The following PROX1 variants were observed in gnomAD, a reference collection of about 807,000 sequenced individuals.
PROX1 encodes prospero homeobox 1.
PROX1 carries 7 observed loss-of-function variants against 58.8 expected under a neutral mutation model. The observed-to-expected ratio is 0.12, with a 90% confidence interval of 0.07 to 0.22. The LOEUF (loss-of-function observed/expected upper bound fraction) is 0.22. Among genes scored for constraint, PROX1 ranks in the 10% least tolerant of loss-of-function variants. The pLI is 1.00. For missense variants in PROX1, 675 were observed against 927.8 expected, an observed-to-expected ratio of 0.73 and a Z score of 3.54; for synonymous variants, 350 against 358.3, an observed-to-expected ratio of 0.98 and a Z score of 0.26.
chr1:214,012,225 C>T (rs1242321135), intron 4 of PROX1, among the ~76,000 whole-genome samples: 1 of 152,154 alleles, frequency 6.6e-6, no homozygotes, highest in Middle Eastern at 3.2e-3. Flanking sequence ...TGATAATTTA[C>T]TAAGTACATA....
In PROX1 at chr1:214,031,066, T is replaced by TGTGCGC. The variant is rs1231686198; in HGVS notation, c.2029-4582_2029-4581insTGCGCG. On this transcript the variant is annotated intron_variant, in intron 4 of 4. Transcript: ENST00000366958. The stretch of plus-strand genomic sequence containing the variant: ...GTGTGTGTGTGTGTGTGTGTGTGTG[T>TGTGCGC]GCGCGCGCGCGCATTCGCGCACGCA... Among the ~76,000 whole-genome samples the TGTGCGC allele has an allele frequency of 4.5e-4, 43 of 95,136 alleles. 1 individual carries two copies. Among genetic ancestry groups the TGTGCGC allele is most frequent in the African/African-American group, 1.1e-3 (35 of 31,286 alleles). The allele number at this position is 95,136 out of a possible 152,430, so 62.4% of individuals were successfully genotyped here.
intron 2 of PROX1, among the ~76,000 whole-genome samples, chr1:214,002,124 T>C (rs1395613600): frequency 1.3e-5 from 2 of 152,154 alleles, no homozygotes; most frequent in Non-Finnish European, 2.9e-5. Context: ...GTACAATCTC[T>C]AGCTACAATC....
At chr1:214,001,636 G>A (rs1663515379) in intron 2 of PROX1, among the ~76,000 whole-genome samples, 1 of 152,150 alleles carries the variant, frequency 6.6e-6, no homozygotes, top group Non-Finnish European at 1.5e-5. Flanking sequence ...GTTTAGAAAG[G>A]AAAATGGTTT....
Position 214,039,452 on chromosome 1 carries a change from A to G in PROX1, c.*3618A>G, listed in dbSNP as rs950552457. ...TGAATATCATTTAAAAAAATTTAAA[A>G]CAACAAAAAAAAAGCAAAACAGAAA... On this transcript the variant is annotated 3_prime_UTR_variant, in exon 5 of 5. Coordinates refer to ENST00000366958, the MANE Select transcript of PROX1 (RefSeq NM_001270616.2). The G allele has an allele frequency of 6.6e-5, 10 of 152,150 alleles. No individual in the cohort carries two copies. The highest frequency in any genetic ancestry group is 5.9e-4 in the Admixed American group (9 of 15,282). 9.4% of individuals were successfully genotyped at this position (152,150 alleles called of 1,614,324 possible).
intron 2 of PROX1, among the ~76,000 whole-genome samples, chr1:214,001,479 G>A (rs2102706464): frequency 6.6e-6 from 1 of 152,186 alleles, no homozygotes; most frequent in East Asian, 1.9e-4. Flanking sequence ...GCCTAGTTTA[G>A]GCCCCAAACA....
At chr1:213,989,924 T>A (rs1432147114) in intron 1 of PROX1, 1 of 151,570 alleles carries the variant, frequency 6.6e-6, no homozygotes, top group East Asian at 2.0e-4. Flanking sequence ...CAGGTTGGAG[T>A]GTGAAACTGC....
Position 214,035,198 on chromosome 1 carries a change from G to A in PROX1, c.2029-451G>A, listed in dbSNP as rs1477523520. On this transcript the variant is annotated intron_variant, in intron 4 of 4. Transcript: ENST00000366958. ...GAAGATTTTCTTCATTTAAAGCTTG[G>A]GTTTAATTTATAAAGAAGCCCAACT... Among the ~76,000 whole-genome samples, 3 of 151,972 alleles carry A rather than the reference G, an allele frequency of 2.0e-5. No homozygotes were observed. The South Asian group carries it at 6.2e-4, about 32-fold the overall frequency.
At chr1:214,003,302 T>G (rs1663590134) in intron 2 of PROX1, among the ~76,000 whole-genome samples, 1 of 152,230 alleles carries the variant, frequency 6.6e-6, no homozygotes, top group South Asian at 2.1e-4. Context: ...AAGAAAAGAT[T>G]AGAACCCAGA....
At chr1:213,994,003 G>A (rs1313671937) in intron 1 of PROX1, among the ~76,000 whole-genome samples, 1 of 152,168 alleles carries the variant, frequency 6.6e-6, no homozygotes, top group Non-Finnish European at 1.5e-5. Context: ...TCCACCTTAG[G>A]AAGAGCACAG....
Position 214,040,038 on chromosome 1 carries a change from G to C in PROX1, c.*4204G>C, listed in dbSNP as rs1389361616. ...TGAATAGTACAAATGTTTCCTTCTG[G>C]TACAAACTCTGTGTTTGCAAATTTA... On this transcript the variant is annotated 3_prime_UTR_variant, in exon 5 of 5. Coordinates refer to ENST00000366958, the MANE Select transcript of PROX1 (RefSeq NM_001270616.2). The C allele has an allele frequency of 6.6e-6, 1 of 152,112 alleles. No individual in the cohort carries two copies. Among genetic ancestry groups the C allele is most frequent in the African/African-American group, 2.4e-5 (1 of 41,422 alleles). The allele number at this position is 152,112 out of a possible 1,614,324, so 9.4% of individuals were successfully genotyped here.
chr1:214,011,797 T>C (rs574132311), intron 4 of PROX1, 82 bp downstream of exon 4: 7 of 1,243,160 alleles, frequency 5.6e-6, no homozygotes, highest in Non-Finnish European at 6.6e-6. Context: ...TACCCAAATC[T>C]GTTTTTGTGT....
intron 4 of PROX1, among the ~76,000 whole-genome samples, chr1:214,032,793 T>C (rs188457821): frequency 1.3e-5 from 2 of 152,160 alleles, no homozygotes; most frequent in Admixed American, 6.5e-5. Context: ...TACATAAAAG[T>C]AGATAAAAAG....
At chr1:214,028,242 C>A (rs1383052761) in intron 4 of PROX1, among the ~76,000 whole-genome samples, 2 of 152,154 alleles carry the variant, frequency 1.3e-5, no homozygotes, top group African/African-American at 4.8e-5. Flanking sequence ...TTTTTCCAAA[C>A]ACAAGCATCC....
chr1:213,991,187 G>T (rs565734769), intron 1 of PROX1, among the ~76,000 whole-genome samples: 1 of 152,332 alleles, frequency 6.6e-6, no homozygotes, highest in South Asian at 2.1e-4. Flanking sequence ...GGCTTGATGT[G>T]TGAGGAAAGT....
At chr1:214,015,558 A>G (rs1291819143) in intron 4 of PROX1, among the ~76,000 whole-genome samples, 1 of 152,120 alleles carries the variant, frequency 6.6e-6, no homozygotes, top group Non-Finnish European at 1.5e-5. Context: ...GTGGCAGGAA[A>G]AGAAGATGAC....
chr1:214,011,881 G>A (rs1663922225), intron 4 of PROX1, among the ~76,000 whole-genome samples, 166 bp downstream of exon 4: 2 of 152,082 alleles, frequency 1.3e-5, no homozygotes, highest in South Asian at 4.1e-4. Context: ...AGTCCCCATT[G>A]GAATCATGAG....
At position 214,036,837 on chromosome 1, in the gene PROX1, G is replaced by T. The variant is rs1664844727; in HGVS notation, c.*1003G>T. 6.6e-6 allele frequency: 1 copy of T among 152,220 alleles called. No homozygotes were observed. The highest frequency in any genetic ancestry group is 2.1e-4 in the South Asian group (1 of 4,836). 9.4% of individuals were successfully genotyped at this position (152,220 alleles called of 1,614,324 possible). A position where few individuals can be genotyped will look rare whatever the true frequency, so the allele number is the denominator to read the frequency against. Reference sequence around the variant, plus strand: ...CATAAAATTCTTGCCTACACTAGAAGTTTGTTGACAGCCATTAGCTGACTT... The same window carrying T: ...CATAAAATTCTTGCCTACACTAGAATTTTGTTGACAGCCATTAGCTGACTT... On this transcript the variant is annotated 3_prime_UTR_variant, in exon 5 of 5. Transcript: ENST00000366958.
chr1:214,006,446 A>C (rs1323155233), intron 3 of PROX1, among the ~76,000 whole-genome samples: 1 of 152,100 alleles, frequency 6.6e-6, no homozygotes, highest in Non-Finnish European at 1.5e-5. Flanking sequence ...TGTGCTCCTT[A>C]AGTGGAAGGC....
intron 1 of PROX1, among the ~76,000 whole-genome samples, chr1:213,993,032 T>C (rs1361002533): frequency 1.3e-5 from 2 of 152,214 alleles, no homozygotes; most frequent in African/African-American, 4.8e-5. Context: ...CCTGGATGTT[T>C]ATTCTTCTAA....
Sources: allele counts gnomAD v4.1 joint callset (sites outside exome capture counted in the v4.1 genomes callset), GRCh38; gene constraint gnomAD v4.1.1; transcripts MANE v1.5; gene names NCBI Gene and HGNC (gene_info 2026-07-23, HGNC 2026-07-21).